SEMA6D: variants seen among roughly 807,000 people sequenced by gnomAD.
The protein encoded by SEMA6D is semaphorin 6D.
SEMA6D carries 35 observed loss-of-function variants against 106.6 expected under a neutral mutation model. That is an observed-to-expected ratio of 0.33 (90% confidence interval 0.25 to 0.44). SEMA6D has a LOEUF of 0.44. SEMA6D is among the 20% of genes least tolerant of loss of function. The pLI, the probability that SEMA6D is intolerant of heterozygous loss-of-function variation, is 1.00. For missense variants in SEMA6D, 1,185 were observed against 1,345.9 expected, an observed-to-expected ratio of 0.88 and a Z score of 1.87; for synonymous variants, 499 against 487.7, an observed-to-expected ratio of 1.02 and a Z score of -0.31.
intron 1 of SEMA6D, among the ~76,000 whole-genome samples, chr15:47,336,172 G>A (rs374344430): frequency 1.4e-4 from 21 of 152,176 alleles, no homozygotes; most frequent in African/African-American, 5.1e-4. Context: ...TATGAAGTTG[G>A]TATATTTCAG....
intron 4 of SEMA6D, among the ~76,000 whole-genome samples, chr15:47,665,979 T>C (rs1350926964): frequency 6.6e-6 from 1 of 152,092 alleles, no homozygotes; most frequent in Non-Finnish European, 1.5e-5. Context: ...GAGTTCCAGG[T>C]TTTTTCTGTT....
chr15:47,454,901 G>A (rs1419145296), intron 2 of SEMA6D, among the ~76,000 whole-genome samples: 1 of 151,844 alleles, frequency 6.6e-6, no homozygotes, highest in Non-Finnish European at 1.5e-5. Flanking sequence ...TTGGCTTTAT[G>A]ATTTATTAAC....
At chr15:47,339,955 CAGAG>C (rs527538320) in intron 1 of SEMA6D, among the ~76,000 whole-genome samples, 37 of 152,062 alleles carry the variant, frequency 2.4e-4, no homozygotes, top group Non-Finnish European at 5.3e-4. Context: ...ATAAGGGAGA[CAGAG>C]AGTGTGGGGA....
intron 3 of SEMA6D, among the ~76,000 whole-genome samples, chr15:47,577,855 A>T (rs2076183087): frequency 6.7e-6 from 1 of 150,312 alleles, no homozygotes; most frequent in South Asian, 2.1e-4. Flanking sequence ...CAAAAGTGAA[A>T]GGGAAGATAT....
intron 1 of SEMA6D, among the ~76,000 whole-genome samples, chr15:47,378,106 T>C (rs989452108): frequency 6.6e-6 from 1 of 152,170 alleles, no homozygotes; most frequent in Non-Finnish European, 1.5e-5. Flanking sequence ...ATAGAAGCAG[T>C]GTCCTTAGCA....
intron 4 of SEMA6D, among the ~76,000 whole-genome samples, chr15:47,606,821 C>A (rs187033106): frequency 6.6e-6 from 1 of 152,266 alleles, no homozygotes; most frequent in East Asian, 1.9e-4. Context: ...CAAAAGCTTG[C>A]TTGAAATTCT....
At chr15:47,680,044 C>A (rs1566980919) in intron 4 of SEMA6D, among the ~76,000 whole-genome samples, 2 of 152,082 alleles carry the variant, frequency 1.3e-5, no homozygotes, top group Non-Finnish European at 2.9e-5. Flanking sequence ...TGCATGAGGA[C>A]CCCAAGAAGC....
intron 1 of SEMA6D, among the ~76,000 whole-genome samples, chr15:47,402,930 CAGAGGGATCTGA>C (rs2040444639): frequency 6.6e-6 from 1 of 152,104 alleles, no homozygotes; most frequent in African/African-American, 2.4e-5. Context: ...ATGGATATTC[CAGAGGGATCTGA>C]GCCTGCAGCA....
intron 1 of SEMA6D, among the ~76,000 whole-genome samples, chr15:47,227,866 T>A (rs1399131575): frequency 6.9e-6 from 1 of 145,516 alleles, no homozygotes; most frequent in Non-Finnish European, 1.5e-5. Context: ...ATTATATATT[T>A]TATATATATA....
At chr15:47,477,078 T>C (rs1428464541) in intron 3 of SEMA6D, among the ~76,000 whole-genome samples, 1 of 152,220 alleles carries the variant, frequency 6.6e-6, no homozygotes, top group Non-Finnish European at 1.5e-5. Context: ...TTAACCAAAA[T>C]GTATTGACTA....
chr15:47,363,055 A>G (rs2038871405), intron 1 of SEMA6D, among the ~76,000 whole-genome samples: 1 of 151,958 alleles, frequency 6.6e-6, no homozygotes, highest in Non-Finnish European at 1.5e-5. Flanking sequence ...TAATATAATA[A>G]TAATTTTAAT....
In SEMA6D at chr15:47,563,622, T is replaced by C. The variant is rs145058548; in HGVS notation, c.-86-37243T>C. On this transcript the variant is annotated intron_variant, in intron 3 of 19. Coordinates refer to the SEMA6D transcript ENST00000558014. ...TTTCTTCTTACATTACTCATTCTCT[T>C]CTCTGTATTATAATTAAGTCTTTGT... Among the ~76,000 whole-genome samples the C allele has an allele frequency of 9.8e-3, 1,492 of 152,296 alleles. 10 individuals are homozygous for C. Among genetic ancestry groups the C allele is most frequent in the Admixed American group, 0.021 (318 of 15,290 alleles).
intron 1 of SEMA6D, among the ~76,000 whole-genome samples, chr15:47,239,202 G>GACA (rs2032749966): frequency 6.6e-6 from 1 of 152,160 alleles, no homozygotes; most frequent in African/African-American, 2.4e-5. Flanking sequence ...GGCTCCTTAT[G>GACA]ACAATCTAAT....
At chr15:47,667,212 C>T (rs1272850621) in intron 4 of SEMA6D, among the ~76,000 whole-genome samples, 1 of 152,206 alleles carries the variant, frequency 6.6e-6, no homozygotes, top group African/African-American at 2.4e-5. Flanking sequence ...CCATTAAATT[C>T]TGGAATGGTT....
intron 1 of SEMA6D, among the ~76,000 whole-genome samples, chr15:47,410,341 AT>A (rs1416573696): frequency 5.3e-5 from 8 of 152,032 alleles, no homozygotes; most frequent in Non-Finnish European, 8.8e-5. Context: ...TAATAGCTTC[AT>A]TTGTGCAAGA....
intron 1 of SEMA6D, among the ~76,000 whole-genome samples, chr15:47,216,898 A>G (rs1480602688): frequency 6.6e-6 from 1 of 152,172 alleles, no homozygotes; most frequent in African/African-American, 2.4e-5. Context: ...AGAAGCTGCA[A>G]TGATCTGAAT....
chr15:47,416,644 C>G (rs2040977847), intron 2 of SEMA6D, among the ~76,000 whole-genome samples: 1 of 152,126 alleles, frequency 6.6e-6, no homozygotes, highest in African/African-American at 2.4e-5. Flanking sequence ...TCACTGACCT[C>G]TGTTTCTCCC....
intron 3 of SEMA6D, among the ~76,000 whole-genome samples, chr15:47,490,260 A>G (rs2043431745): frequency 6.6e-6 from 1 of 152,176 alleles, no homozygotes; most frequent in Admixed American, 6.5e-5. Flanking sequence ...TATGTATTTA[A>G]CTTATTTGAT....
intron 3 of SEMA6D, among the ~76,000 whole-genome samples, chr15:47,567,693 T>C (rs1039720483): frequency 2.0e-5 from 3 of 152,204 alleles, no homozygotes; most frequent in Non-Finnish European, 4.4e-5. Context: ...TGTCTAATAT[T>C]ACAGTATATG....
Sources: allele counts gnomAD v4.1 joint callset (sites outside exome capture counted in the v4.1 genomes callset), GRCh38; gene constraint gnomAD v4.1.1; transcripts MANE v1.5; gene names NCBI Gene and HGNC (gene_info 2026-07-23, HGNC 2026-07-21).